APLF: variants seen among roughly 807,000 people sequenced by gnomAD.
The protein encoded by APLF is aprataxin and PNKP like factor.
APLF carries 61 observed loss-of-function variants against 55.6 expected under a neutral mutation model. The observed-to-expected ratio is 1.10, with a 90% confidence interval of 0.89 to 1.36. The LOEUF (loss-of-function observed/expected upper bound fraction) is 1.36, where lower values mean the gene tolerates loss of function less well. Ranked by LOEUF, APLF falls within the 40% of genes most tolerant of loss-of-function variation. The probability of loss-of-function intolerance (pLI) is 0.00; values close to 1 mark genes in which losing one functional copy is unlikely to be tolerated. For synonymous variants in APLF, 207 were observed against 214.8 expected (o/e 0.96, Z 0.32); for missense variants, 611 against 602.5 (o/e 1.01, Z -0.15).
intron 5 of APLF, among the ~76,000 whole-genome samples, chr2:68,519,934 C>T (rs1669847674): frequency 6.6e-6 from 1 of 152,006 alleles, no homozygotes; most frequent in African/African-American, 2.4e-5. Context: ...TTCCCACCAG[C>T]AGTGTAAAAG....
intron 3 of APLF, among the ~76,000 whole-genome samples, chr2:68,511,268 A>T (rs1267107265): frequency 6.6e-6 from 1 of 151,758 alleles, no homozygotes; most frequent in Non-Finnish European, 1.5e-5. Flanking sequence ...TTTTATTTAA[A>T]ATATTCTGTA....
intron 6 of APLF, among the ~76,000 whole-genome samples, chr2:68,534,728 A>G (rs1363992822): frequency 1.3e-5 from 2 of 152,166 alleles, no homozygotes; most frequent in Non-Finnish European, 2.9e-5. Context: ...CATCTAATGT[A>G]AGAAATAAGC....
At chr2:68,560,776 G>A (rs1348227143) in intron 8 of APLF, among the ~76,000 whole-genome samples, 2 of 152,100 alleles carry the variant, frequency 1.3e-5, no homozygotes, top group African/African-American at 4.8e-5. Flanking sequence ...TTATGAATGA[G>A]CTCTGATTAA....
At chr2:68,573,626 T>C (rs1177422828) in intron 9 of APLF, among the ~76,000 whole-genome samples, 5 of 150,974 alleles carry the variant, frequency 3.3e-5, no homozygotes, top group Admixed American at 6.6e-5. Context: ...TGAGCCGAGA[T>C]TGTGCCATTG....
At chr2:68,481,749 G>A (rs1307518274) in intron 1 of APLF, among the ~76,000 whole-genome samples, 1 of 151,932 alleles carries the variant, frequency 6.6e-6, no homozygotes, top group Non-Finnish European at 1.5e-5. Context: ...GTGAATATTT[G>A]TTCGCTTAAT....
intron 6 of APLF, among the ~76,000 whole-genome samples, chr2:68,532,935 G>A (rs1360417806): frequency 6.6e-6 from 1 of 152,124 alleles, no homozygotes; most frequent in East Asian, 1.9e-4. Flanking sequence ...CTATAAAAAG[G>A]GATTGTGAAG....
chr2:68,552,960 T>G lies in APLF; in HGVS notation c.1286+7648T>G, dbSNP rs529253750. ...TTTTAATTACAGTTCAGAGAGACTT[T>G]TAGAGAATGTTAGATATGATTGATT... On this transcript the variant is annotated intron_variant, in intron 8 of 9. Transcript: ENST00000303795. Among the ~76,000 whole-genome samples the G allele has an allele frequency of 5.3e-5, 8 of 152,268 alleles. No homozygotes were observed. In the South Asian group the frequency reaches 1.7e-3, roughly 32 times the overall value.
intron 9 of APLF, 131 bp from the exon 10 acceptor site, chr2:68,577,689 A>G (rs1671659954): frequency 1.8e-6 from 2 of 1,095,666 alleles, no homozygotes; most frequent in East Asian, 5.3e-5. Flanking sequence ...CGTTTCCAGA[A>G]ATTTGTAGTG....
intron 3 of APLF, among the ~76,000 whole-genome samples, chr2:68,506,632 C>G (rs1676879035): frequency 6.6e-6 from 1 of 151,942 alleles, no homozygotes; most frequent in African/African-American, 2.4e-5. Flanking sequence ...TTAAGACTTG[C>G]CCAAGGTCAC....
At position 68,513,540 on chromosome 2, in the gene APLF, C is replaced by T. The variant is rs760408066; in HGVS notation, c.490-8C>T. ...ATTATTTTTAGTAATTTATAGGTGTCTTTTTAGTCTTTCCTAGGTGAAAAT... is the reference window on the plus strand; with the variant it reads ...ATTATTTTTAGTAATTTATAGGTGTTTTTTTAGTCTTTCCTAGGTGAAAAT... On this transcript the variant is annotated splice_region_variant and splice_polypyrimidine_tract_variant and intron_variant, in intron 4 of 9. Coordinates refer to ENST00000303795, the MANE Select transcript of APLF (RefSeq NM_173545.3). 13 of 1,608,552 alleles carry T rather than the reference C, an allele frequency of 8.1e-6. No individual in the cohort carries two copies. In the South Asian group the frequency reaches 1.4e-4, roughly 18 times the overall value.
rs903634296 is a variant in APLF at position 68,497,843 on chromosome 2, A to G, written c.169-4888A>G. On this transcript the variant is annotated intron_variant, in intron 2 of 9. Coordinates refer to ENST00000303795, the MANE Select transcript of APLF (RefSeq NM_173545.3). ...CTATATCAGGAGTGCTATCCAAAAC[A>G]TATGACAGATGCCTTTAATCAATGA... 5.9e-5 allele frequency among the ~76,000 whole-genome samples: 9 copies of G among 152,292 alleles called. No individual in the cohort carries two copies. In the South Asian group the frequency reaches 1.9e-3, roughly 32 times the overall value.
Position 68,580,008 on chromosome 2 carries a change from G to A in APLF, c.*1986G>A, listed in dbSNP as rs1558560139. 7 of 901,002 alleles carry A rather than the reference G, an allele frequency of 7.8e-6. No individual in the cohort carries two copies. Among genetic ancestry groups the A allele is most frequent in the Non-Finnish European group, 4.0e-6 (3 of 753,280 alleles). The allele number at this position is 901,002 out of a possible 1,614,324, so 55.8% of individuals were successfully genotyped here. On this transcript the variant is annotated 3_prime_UTR_variant, in exon 10 of 10. Coordinates refer to ENST00000303795, the MANE Select transcript of APLF (RefSeq NM_173545.3). ...AAGGGTAATACCAGTCTTTTAGAAGGAAAAAAATATTTAATATCAAAGGAT... is the reference window on the plus strand; with the variant it reads ...AAGGGTAATACCAGTCTTTTAGAAGAAAAAAAATATTTAATATCAAAGGAT...
intron 1 of APLF, among the ~76,000 whole-genome samples, chr2:68,476,590 G>T (rs1054009492): frequency 1.3e-5 from 2 of 151,684 alleles, no homozygotes; most frequent in African/African-American, 4.8e-5. Context: ...ATTCAATGTA[G>T]TTCTTTCATG....
intron 6 of APLF, among the ~76,000 whole-genome samples, chr2:68,527,341 C>T (rs1401846679): frequency 4.6e-5 from 7 of 151,136 alleles, no homozygotes; most frequent in South Asian, 2.1e-4. Context: ...GGTGAGGAGG[C>T]GGGGCAGAGG....
chr2:68,500,651 G>A (rs952796349), intron 2 of APLF, among the ~76,000 whole-genome samples: 5 of 152,184 alleles, frequency 3.3e-5, no homozygotes, highest in Non-Finnish European at 5.9e-5. Context: ...ATAATCAGAA[G>A]CAAGCGTCAC....
At chr2:68,570,584 G>A (rs1434194845) in intron 9 of APLF, among the ~76,000 whole-genome samples, 1 of 151,972 alleles carries the variant, frequency 6.6e-6, no homozygotes, top group African/African-American at 2.4e-5. Flanking sequence ...GAGAATGTTG[G>A]TTTCCAGCTT....
intron 9 of APLF, among the ~76,000 whole-genome samples, chr2:68,572,941 A>T (rs1337718022): frequency 6.6e-6 from 1 of 152,208 alleles, no homozygotes; most frequent in African/African-American, 2.4e-5. Flanking sequence ...ACTCTGCAGT[A>T]GTTTGAAGAC....
chr2:68,505,249 T>C (rs1291210466), intron 3 of APLF, among the ~76,000 whole-genome samples: 2 of 152,096 alleles, frequency 1.3e-5, no homozygotes, highest in Admixed American at 6.6e-5. Flanking sequence ...ATTTTTTTGT[T>C]ACAATAAACT....
chr2:68,578,733 A>T lies in APLF; in HGVS notation c.*711A>T. On this transcript the variant is annotated 3_prime_UTR_variant, in exon 10 of 10. Transcript: ENST00000303795. ...ACCTTTTTTTTCAAACTAAAGTCCT[A>T]GCTGATTATTTTAACTCTCAGTGTG... 1.0e-6 allele frequency: 1 copy of T among 985,210 alleles called. No individual in the cohort carries two copies. The highest frequency in any genetic ancestry group is 1.2e-6 in the Non-Finnish European group (1 of 829,774). The allele number at this position is 985,210 out of a possible 1,614,324, so 61.0% of individuals were successfully genotyped here. A position where few individuals can be genotyped will look rare whatever the true frequency, so the allele number is the denominator to read the frequency against.
Sources: allele counts gnomAD v4.1 joint callset (sites outside exome capture counted in the v4.1 genomes callset), GRCh38; gene constraint gnomAD v4.1.1; transcripts MANE v1.5; gene names NCBI Gene and HGNC (gene_info 2026-07-23, HGNC 2026-07-21).